CACNA1C: variants seen among roughly 807,000 people sequenced by gnomAD.
CACNA1C encodes the protein calcium voltage-gated channel subunit alpha1 C.
In CACNA1C, 30 loss-of-function variants were observed where a neutral mutation model predicts 229.0. The ratio of observed to expected loss-of-function variants is 0.13; its 90% CI spans 0.10 to 0.18. The LOEUF (loss-of-function observed/expected upper bound fraction) is 0.18. Ranked by LOEUF, CACNA1C falls within the 10% of genes least tolerant of loss-of-function variation. CACNA1C has a pLI of 1.00. For synonymous variants in CACNA1C, 1,114 were observed against 1,132.5 expected (o/e 0.98, Z 0.33); for missense variants, 1,658 against 2,845.0 (o/e 0.58, Z 9.49).
intron 3 of CACNA1C, among the ~76,000 whole-genome samples, chr12:2,251,279 C>T (rs546021399): frequency 1.3e-5 from 2 of 152,286 alleles, no homozygotes; most frequent in East Asian, 3.9e-4. Flanking sequence ...GGTCTACTGA[C>T]ATGTCTCCTG....
At chr12:2,470,718 G>A (rs1435261294) in intron 5 of CACNA1C, among the ~76,000 whole-genome samples, 1 of 152,198 alleles carries the variant, frequency 6.6e-6, no homozygotes, top group Non-Finnish European at 1.5e-5. Flanking sequence ...CAATAGAATT[G>A]TGTGAAACAC....
intron 1 of CACNA1C, among the ~76,000 whole-genome samples, chr12:2,100,086 A>G (rs1280447474): frequency 1.3e-5 from 2 of 152,136 alleles, no homozygotes; most frequent in Admixed American, 6.5e-5. Flanking sequence ...GCACGTGTAT[A>G]TTACCTGACA....
intron 3 of CACNA1C, among the ~76,000 whole-genome samples, chr12:2,343,710 T>C (rs1411239462): frequency 6.6e-6 from 1 of 152,064 alleles, no homozygotes; most frequent in Non-Finnish European, 1.5e-5. Flanking sequence ...GCAGAATGTA[T>C]AGTGTTAATT....
rs2302727 is a variant in CACNA1C at position 2,665,435 on chromosome 12, C to A, written c.4399-146C>A. The A allele has an allele frequency of 0.065, 54,339 of 836,218 alleles. 1,993 individuals are homozygous for A. The highest frequency in any genetic ancestry group is 0.087 in the East Asian group (3,333 of 38,312). The allele number at this position is 836,218 out of a possible 1,614,324, so 51.8% of individuals were successfully genotyped here. On this transcript the variant is annotated intron_variant, in intron 35 of 46. Transcript: ENST00000399655. The surrounding 1 kb of genome is among the most constrained non-coding windows in gnomAD (Gnocchi z 5.9). Reference sequence around the variant, plus strand: ...CTGTGTCAAGTTTATGTCCAAGAGACCCAGGTTCTCAGGCTGGTAGGATGG... The same window carrying A: ...CTGTGTCAAGTTTATGTCCAAGAGAACCAGGTTCTCAGGCTGGTAGGATGG...
At chr12:2,216,451 A>C (rs1057073128) in intron 3 of CACNA1C, among the ~76,000 whole-genome samples, 2 of 152,220 alleles carry the variant, frequency 1.3e-5, no homozygotes, top group African/African-American at 4.8e-5. Context: ...CGAATGTTTC[A>C]GTTGGAATGC....
chr12:2,686,093 C>T, intron 44 of CACNA1C, 73 bp from the exon 45 acceptor site: 1 of 1,228,638 alleles, frequency 8.1e-7, no homozygotes. Flanking sequence ...TGGCACCCCA[C>T]CAGGGTGTAA....
intron 2 of CACNA1C, among the ~76,000 whole-genome samples, chr12:2,118,816 TTGGGGTCTTGGACTGG>T (rs933169365): frequency 1.3e-5 from 2 of 152,208 alleles, no homozygotes; most frequent in Non-Finnish European, 2.9e-5. Flanking sequence ...ATATGCCAGC[TTGGGGTCTTGGACTGG>T]CTGCTTTACT....
rs905901045 is a variant in CACNA1C at position 2,647,612 on chromosome 12, G to A, written c.3913-863G>A. On this transcript the variant is annotated intron_variant, in intron 30 of 46. Transcript: ENST00000399655. The surrounding 1 kb of genome is among the most constrained non-coding windows in gnomAD (Gnocchi z 4.2). ...CTTTCAGAACAAGCCCCATTATGGA[G>A]TGGGTTGAGGCCACCTCTGGAGGCC... Among the ~76,000 whole-genome samples the A allele has an allele frequency of 6.6e-6, 1 of 152,232 alleles. No individual in the cohort carries two copies. Among genetic ancestry groups the A allele is most frequent in the Non-Finnish European group, 1.5e-5 (1 of 68,048 alleles).
chr12:2,154,930 TG>T (rs2095479218), intron 3 of CACNA1C, among the ~76,000 whole-genome samples: 2 of 152,350 alleles, frequency 1.3e-5, no homozygotes, highest in Admixed American at 1.3e-4. Flanking sequence ...TCCCTCAGGC[TG>T]GTCTCCGGAG....
chr12:2,113,638 A>C (rs535777959), intron 1 of CACNA1C, among the ~76,000 whole-genome samples: 1 of 152,212 alleles, frequency 6.6e-6, no homozygotes, highest in Non-Finnish European at 1.5e-5. Context: ...TCAGATGCCA[A>C]CCTCACCGCC....
At chr12:2,351,858 T>A (rs1035721079) in intron 3 of CACNA1C, among the ~76,000 whole-genome samples, 2 of 152,146 alleles carry the variant, frequency 1.3e-5, no homozygotes, top group African/African-American at 4.8e-5. Flanking sequence ...ACCGTGGGTC[T>A]GGAAATTACC....
chr12:2,609,883 G>A (rs1452763681), intron 27 of CACNA1C, among the ~76,000 whole-genome samples: 1 of 152,088 alleles, frequency 6.6e-6, no homozygotes, highest in Non-Finnish European at 1.5e-5. Flanking sequence ...CAGCACTTTG[G>A]GAGGCCAAGG....
intron 3 of CACNA1C, among the ~76,000 whole-genome samples, chr12:2,244,724 C>T (rs1476560875): frequency 1.3e-5 from 2 of 152,178 alleles, no homozygotes; most frequent in African/African-American, 4.8e-5. Context: ...CAGTGCCTCA[C>T]GTGGACTCCC....
At chr12:2,095,776 C>T (rs188405871) in intron 1 of CACNA1C, among the ~76,000 whole-genome samples, 3 of 152,098 alleles carry the variant, frequency 2.0e-5, no homozygotes, top group Non-Finnish European at 2.9e-5. Context: ...CCTATGAGGA[C>T]GGAGCGTGGA....
Position 2,145,883 on chromosome 12 carries a change from C to T in CACNA1C, c.477+25453C>T, listed in dbSNP as rs930601123. ...AAAATGCTGATCCACACCAGAAATG[C>T]GAACCTGGCTCTCTGCCCTTGGGCA... On this transcript the variant is annotated intron_variant, in intron 3 of 46. Coordinates refer to ENST00000399655, the MANE Select transcript of CACNA1C (RefSeq NM_000719.7). 1.5e-4 allele frequency among the ~76,000 whole-genome samples: 23 copies of T among 151,130 alleles called. 1 individual carries two copies. Among genetic ancestry groups the T allele is most frequent in the Admixed American group, 8.0e-4 (12 of 15,024 alleles).
intron 5 of CACNA1C, 134 bp from the exon 6 acceptor site, chr12:2,485,970 T>A: frequency 1.5e-6 from 1 of 653,048 alleles, no homozygotes; most frequent in Non-Finnish European, 2.5e-6. Flanking sequence ...CGTGTGGCTC[T>A]GAGCCTCAGT....
At chr12:2,197,407 A>G (rs973965586) in intron 3 of CACNA1C, among the ~76,000 whole-genome samples, 6 of 152,210 alleles carry the variant, frequency 3.9e-5, no homozygotes, top group African/African-American at 1.4e-4. Flanking sequence ...GGCAGCGTAC[A>G]TTCAGACTGT....
intron 1 of CACNA1C, among the ~76,000 whole-genome samples, chr12:2,024,537 C>A (rs943944502): frequency 6.6e-6 from 1 of 152,182 alleles, no homozygotes; most frequent in African/African-American, 2.4e-5. Flanking sequence ...ACAGTCCAGG[C>A]AGCAGGATGG....
intron 1 of CACNA1C, among the ~76,000 whole-genome samples, chr12:2,096,487 A>G (rs1036454823): frequency 6.6e-6 from 1 of 151,976 alleles, no homozygotes; most frequent in African/African-American, 2.4e-5. Context: ...CTGAGGACAG[A>G]CCTCTTTCTC....
Sources: allele counts gnomAD v4.1 joint callset (sites outside exome capture counted in the v4.1 genomes callset), GRCh38; gene constraint gnomAD v4.1.1; non-coding constraint Gnocchi (gnomAD v3.1); transcripts MANE v1.5; gene names NCBI Gene and HGNC (gene_info 2026-07-23, HGNC 2026-07-21).